The following BLTP1 variants were observed in gnomAD, a reference collection of about 807,000 sequenced individuals.
BLTP1 encodes the protein fragile site-associated protein.
chr4:122,242,655 T>C, the BLTP1 span, among the ~76,000 whole-genome samples: 1 of 152,228 alleles, frequency 6.6e-6, no homozygotes, highest in South Asian at 2.1e-4. Flanking sequence ...TCTGTGGCTC[T>C]CTTTCCCACT....
At chr4:122,307,747 GCTTT>G in the BLTP1 span, 1 of 985,218 alleles carries the variant, frequency 1.0e-6, no homozygotes, top group Non-Finnish European at 1.2e-6. Flanking sequence ...GTGGTTGCCT[GCTTT>G]CTGTTTTATT....
chr4:122,248,879 T>C, the BLTP1 span: 4 of 164,696 alleles, frequency 2.4e-5, no homozygotes, highest in Admixed American at 6.6e-5. Context: ...GAATGGTAAA[T>C]TTACATGTGT....
At chr4:122,182,062 AC>A in the BLTP1 span, among the ~76,000 whole-genome samples, 1 of 152,192 alleles carries the variant, frequency 6.6e-6, no homozygotes, top group Non-Finnish European at 1.5e-5. Flanking sequence ...TAAGCCAAAA[AC>A]AATTTAAATA....
chr4:122,171,926 A>G, the BLTP1 span: 1 of 985,356 alleles, frequency 1.0e-6, no homozygotes, highest in Non-Finnish European at 1.2e-6. Context: ...TATTGAAAGC[A>G]TATTTTCTCA....
At chr4:122,332,095 A>G in the BLTP1 span, among the ~76,000 whole-genome samples, 1 of 151,970 alleles carries the variant, frequency 6.6e-6, no homozygotes, top group Non-Finnish European at 1.5e-5. Flanking sequence ...GAACTGTAAA[A>G]AAAATAGTTA....
the BLTP1 span, chr4:122,240,086 G>T: frequency 1.2e-6 from 2 of 1,614,118 alleles, no homozygotes; most frequent in East Asian, 2.2e-5. Flanking sequence ...TTGTTTCTGC[G>T]TTAGGTGGAG....
the BLTP1 span, among the ~76,000 whole-genome samples, chr4:122,182,434 A>G: frequency 1.3e-5 from 2 of 152,070 alleles, no homozygotes; most frequent in African/African-American, 4.8e-5. Flanking sequence ...CTATTACCCC[A>G]TTACCTTAAA....
chr4:122,260,750 C>T, the BLTP1 span, among the ~76,000 whole-genome samples: 4 of 151,460 alleles, frequency 2.6e-5, no homozygotes, highest in African/African-American at 9.7e-5. Context: ...CATAGATGTG[C>T]GAAGACATGA....
the BLTP1 span, among the ~76,000 whole-genome samples, chr4:122,323,966 A>T: frequency 6.6e-6 from 1 of 152,064 alleles, no homozygotes; most frequent in Non-Finnish European, 1.5e-5. Context: ...GGACTTAGAG[A>T]CAGGGAGAGT....
chr4:122,238,294 C>A, the BLTP1 span: 1 of 1,613,956 alleles, frequency 6.2e-7, no homozygotes, highest in Non-Finnish European at 8.5e-7. Flanking sequence ...TTGCTGATGA[C>A]CATTTGGTTC....
chr4:122,244,619 G>T, the BLTP1 span: 4 of 981,010 alleles, frequency 4.1e-6, no homozygotes, highest in African/African-American at 5.3e-5. Flanking sequence ...GTGTAGAAGC[G>T]GTTGGGAAGA....
chr4:122,263,606 G>A, the BLTP1 span: 1 of 1,567,322 alleles, frequency 6.4e-7, no homozygotes, highest in South Asian at 1.2e-5. Flanking sequence ...CACAGGTATT[G>A]AGTTATCACA....
chr4:122,328,074 C>A, the BLTP1 span: 2 of 1,449,322 alleles, frequency 1.4e-6, no homozygotes, highest in Non-Finnish European at 1.8e-6. Flanking sequence ...AAATATGAAT[C>A]TGATTCATGT....
the BLTP1 span, among the ~76,000 whole-genome samples, chr4:122,350,820 TGAG>T: frequency 2.8e-4 from 43 of 152,074 alleles, no homozygotes; most frequent in African/African-American, 1.0e-3. Flanking sequence ...AAACTTGGCT[TGAG>T]GATCATTAAG....
the BLTP1 span, chr4:122,170,675 G>C: frequency 6.3e-7 from 1 of 1,589,260 alleles, no homozygotes; most frequent in Non-Finnish European, 8.6e-7. Flanking sequence ...TGAGAGTATT[G>C]TTCCTAGTAT....
the BLTP1 span, among the ~76,000 whole-genome samples, chr4:122,327,099 G>GTGTTTTGTTTTGTTT: frequency 0.042 from 6,247 of 148,178 alleles, 220 homozygotes; most frequent in East Asian, 0.11. Flanking sequence ...TCATAGGGGG[G>GTGTTTTGTTTTGTTT]TGTTTTGTTT....
At chr4:122,218,222 G>A in the BLTP1 span, among the ~76,000 whole-genome samples, 3 of 151,650 alleles carry the variant, frequency 2.0e-5, no homozygotes, top group Non-Finnish European at 2.9e-5. Context: ...AGACATTTAT[G>A]TTATTTTTTA....
chr4:122,201,529 T>C, the BLTP1 span, among the ~76,000 whole-genome samples: 1 of 152,220 alleles, frequency 6.6e-6, no homozygotes, highest in African/African-American at 2.4e-5. Context: ...ATTTTTATAC[T>C]TGGAGCCCTT....
chr4:122,276,305 C>A, the BLTP1 span: 3 of 420,630 alleles, frequency 7.1e-6, no homozygotes, highest in Non-Finnish European at 1.0e-5. Flanking sequence ...ATTAAAATTT[C>A]TATGATCAAA....
Sources: gnomAD v4.1 joint callset for allele counts (sites outside exome capture counted in the v4.1 genomes callset) on GRCh38, gnomAD v4.1.1 for gene constraint, MANE v1.5 for transcripts, NCBI Gene and HGNC (gene_info 2026-07-23, HGNC 2026-07-21) for gene names.